Variants in RYR2 observed in about 807,000 individuals in gnomAD.
RYR2 encodes cardiac muscle ryanodine receptor-calcium release channel.
RYR2 carries 227 observed loss-of-function variants against 601.1 expected under a neutral mutation model. The observed-to-expected ratio is 0.38, with a 90% CI of 0.34 to 0.42. RYR2 has a LOEUF of 0.42. RYR2 is among the 10% of genes least tolerant of loss of function. The probability of loss-of-function intolerance (pLI) is 1.00; values close to 1 mark genes in which losing one functional copy is unlikely to be tolerated. For synonymous variants in RYR2, 2,223 were observed against 2,175.1 expected (o/e 1.02, Z -0.61); for missense variants, 4,646 against 6,156.5 (o/e 0.75, Z 8.21).
At chr1:237,582,107 T>A (rs7534483) in intron 29 of RYR2, among the ~76,000 whole-genome samples, 45,131 of 151,590 alleles carry the variant, frequency 0.3, 7,159 homozygotes, top group East Asian at 0.61. Context: ...ATTTTATTTT[T>A]ATTTTATTTT....
rs548097603 is a variant in RYR2, at chr1:237,824,617, A to G, written c.14591-3764A>G. Among the ~76,000 whole-genome samples, 12 of 152,310 alleles carry G rather than the reference A, an allele frequency of 7.9e-5. No individual in the cohort carries two copies. In the South Asian group the frequency reaches 2.3e-3, roughly 29 times the overall value. On this transcript the variant is annotated intron_variant, in intron 101 of 104. Transcript: ENST00000366574. ...GGAAGCATTCCCTTTGAAAACTGGC[A>G]CAAGACAAGAATGCCCTCTCTCACC...
At chr1:237,316,659 A>G (rs1354439717) in intron 2 of RYR2, among the ~76,000 whole-genome samples, 2 of 151,896 alleles carry the variant, frequency 1.3e-5, no homozygotes, top group Admixed American at 1.3e-4. Context: ...TTCCTCCTTT[A>G]CCCTCAGTGT....
At chr1:237,520,863 C>T (rs565307527) in intron 24 of RYR2, among the ~76,000 whole-genome samples, 4 of 151,976 alleles carry the variant, frequency 2.6e-5, no homozygotes, top group African/African-American at 9.7e-5. Context: ...TGGTGAAACC[C>T]CAACTTTATT....
chr1:237,661,242 A>G (rs1683761367), intron 56 of RYR2, among the ~76,000 whole-genome samples: 1 of 152,268 alleles, frequency 6.6e-6, no homozygotes, highest in East Asian at 1.9e-4. Flanking sequence ...AAACTAACAC[A>G]GGAACAGAAA....
intron 45 of RYR2, 83 bp downstream of exon 45, chr1:237,638,575 TGAAG>T: frequency 2.1e-6 from 3 of 1,419,832 alleles, no homozygotes; most frequent in East Asian, 2.3e-5. Flanking sequence ...AGCACTTTCA[TGAAG>T]GAAGTATTAG....
chr1:237,650,217 T>G, intron 50 of RYR2, 120 bp downstream of exon 50: 1 of 941,422 alleles, frequency 1.1e-6, no homozygotes, highest in South Asian at 1.6e-5. Flanking sequence ...TTAATTCATT[T>G]TAGGTAGTCC....
At chr1:237,140,649 G>T (rs1341761991) in intron 1 of RYR2, among the ~76,000 whole-genome samples, 1 of 152,176 alleles carries the variant, frequency 6.6e-6, no homozygotes, top group East Asian at 1.9e-4. Flanking sequence ...CTAGTTGGTG[G>T]AGTTTGTTGA....
At chr1:237,549,409 T>G (rs1393437827) in intron 26 of RYR2, among the ~76,000 whole-genome samples, 2 of 151,894 alleles carry the variant, frequency 1.3e-5, no homozygotes, top group Non-Finnish European at 2.9e-5. Context: ...AGACCGTCTC[T>G]ACAAAAAATT....
At chr1:237,469,220 G>T in intron 17 of RYR2, 33 bp downstream of exon 17, 3 of 674,794 alleles carry the variant, frequency 4.4e-6, no homozygotes, top group Non-Finnish European at 6.7e-6. Flanking sequence ...TGTTGTGATA[G>T]ATCACTCCTA....
chr1:237,044,545 G>A (rs1166251807), intron 1 of RYR2, among the ~76,000 whole-genome samples: 1 of 152,116 alleles, frequency 6.6e-6, no homozygotes, highest in East Asian at 1.9e-4. Context: ...TAGAGATCTG[G>A]CAGTCCCAGG....
At chr1:237,508,036 T>C (rs144124181) in intron 23 of RYR2, among the ~76,000 whole-genome samples, 274 of 152,312 alleles carry the variant, frequency 1.8e-3, no homozygotes, top group Middle Eastern at 3.4e-3. Flanking sequence ...TGATCTTGGC[T>C]CACTGCAACC....
At chr1:237,264,672 C>T (rs1008915724) in intron 1 of RYR2, among the ~76,000 whole-genome samples, 1 of 151,312 alleles carries the variant, frequency 6.6e-6, no homozygotes, top group African/African-American at 2.4e-5. Flanking sequence ...TAAAAACAGA[C>T]TCAGTTTATT....
At chr1:237,213,980 G>C (rs1411549939) in intron 1 of RYR2, among the ~76,000 whole-genome samples, 2 of 142,578 alleles carry the variant, frequency 1.4e-5, no homozygotes, top group Non-Finnish European at 3.0e-5. Flanking sequence ...GAGTGCAGTG[G>C]TGTGATCTCA....
At chr1:237,798,243 T>C (rs1456663406) in intron 97 of RYR2, 73 bp downstream of exon 97, 1 of 1,381,316 alleles carries the variant, frequency 7.2e-7, no homozygotes, top group Non-Finnish European at 9.9e-7. Flanking sequence ...TTTAAACTTG[T>C]GCATTGATTT....
rs868820151 is a variant in RYR2, at chr1:237,766,167, G to A, written c.11477-4640G>A. Among the ~76,000 whole-genome samples, 22 of 151,774 alleles carry A rather than the reference G, an allele frequency of 1.4e-4. 1 individual carries two copies. The highest frequency in any genetic ancestry group is 4.2e-4 in the South Asian group (2 of 4,790). Reference sequence around the variant, plus strand: ...GGAAACATAGTACCTGGGAGGCCACGAAGGACCTTCTCTGCCCTGCCAAGG... The same window carrying A: ...GGAAACATAGTACCTGGGAGGCCACAAAGGACCTTCTCTGCCCTGCCAAGG... On this transcript the variant is annotated intron_variant, in intron 84 of 104. Transcript: ENST00000366574.
At chr1:237,534,433 T>C (rs1382899694) in intron 25 of RYR2, among the ~76,000 whole-genome samples, 1 of 151,986 alleles carries the variant, frequency 6.6e-6, no homozygotes, top group Non-Finnish European at 1.5e-5. Context: ...TTAACAAAGA[T>C]TAATAAAAAT....
chr1:237,143,654 C>T (rs182840708), intron 1 of RYR2, among the ~76,000 whole-genome samples: 1 of 152,200 alleles, frequency 6.6e-6, no homozygotes, highest in East Asian at 1.9e-4. Flanking sequence ...TGTCCACACC[C>T]TCACTAGCCT....
At chr1:237,101,787 C>A (rs1558234948) in intron 1 of RYR2, among the ~76,000 whole-genome samples, 1 of 152,132 alleles carries the variant, frequency 6.6e-6, no homozygotes, top group Non-Finnish European at 1.5e-5. Flanking sequence ...GAAATTATAC[C>A]AAGTGTACTT....
chr1:237,170,479 G>A (rs1677235890), intron 1 of RYR2, among the ~76,000 whole-genome samples: 1 of 152,198 alleles, frequency 6.6e-6, no homozygotes, highest in South Asian at 2.1e-4. Context: ...GGTGGTCTGG[G>A]TAACGGCAGG....
Sources: allele counts gnomAD v4.1 joint callset (sites outside exome capture counted in the v4.1 genomes callset), GRCh38; gene constraint gnomAD v4.1.1; transcripts MANE v1.5; gene names NCBI Gene and HGNC (gene_info 2026-07-23, HGNC 2026-07-21).